Variants in GEM observed in about 807,000 individuals in gnomAD.
GEM encodes the protein GTP binding protein overexpressed in skeletal muscle.
A neutral mutation model predicts 33.0 loss-of-function variants in GEM; 31 were observed. That is an observed-to-expected ratio of 0.94 (90% confidence interval 0.71 to 1.27). The LOEUF is 1.27. Ranked by LOEUF, GEM falls within the 50% of genes most tolerant of loss-of-function variation. The probability of loss-of-function intolerance (pLI) is 0.00; values close to 1 mark genes in which losing one functional copy is unlikely to be tolerated. For missense variants in GEM, 354 were observed against 390.5 expected (o/e 0.91, Z 0.79); for synonymous variants, 141 against 143.7 (o/e 0.98, Z 0.13).
chr8:94,252,946 C>G, intron 3 of GEM, 90 bp downstream of exon 3: 1 of 727,508 alleles, frequency 1.4e-6, no homozygotes, highest in South Asian at 1.7e-5. Context: ...TCTGGAACAC[C>G]TACTATATAG....
At chr8:94,258,423 G>A (rs1292885158) in intron 2 of GEM, among the ~76,000 whole-genome samples, 1 of 152,104 alleles carries the variant, frequency 6.6e-6, no homozygotes, top group Non-Finnish European at 1.5e-5. Flanking sequence ...TAGGGGGCAT[G>A]GTATACCTCA....
rs1359018393 is a variant in GEM at position 94,250,267 on chromosome 8, T to G, written c.*43A>C. The G allele has an allele frequency of 6.5e-7, 1 of 1,531,364 alleles. No individual in the cohort carries two copies. The highest frequency in any genetic ancestry group is 8.9e-7 in the Non-Finnish European group (1 of 1,120,816). 94.9% of individuals were successfully genotyped at this position (1,531,364 alleles called of 1,614,324 possible). A position where few individuals can be genotyped will look rare whatever the true frequency, so the allele number is the denominator to read the frequency against. On this transcript the variant is annotated 3_prime_UTR_variant, in exon 5 of 5. Transcript: ENST00000297596. ...TATAGATTATTGGTCCCAATGGCCT[T>G]CAACAACGGCCATCAAAGGGACATC...
chr8:94,252,226 A>G lies in GEM; in HGVS notation c.409-3T>C. ...TCATGGAGCCATTCATTTTCCCCCT[A>G]ATGAAACAATAAGATCTTCTGTGAG... On this transcript the variant is annotated splice_polypyrimidine_tract_variant and splice_region_variant and intron_variant, in intron 3 of 4. Transcript: ENST00000297596. 1 of 1,594,320 alleles carries G rather than the reference A, an allele frequency of 6.3e-7. No homozygotes were observed. The highest frequency in any genetic ancestry group is 1.7e-4 in the Middle Eastern group (1 of 5,726).
intron 2 of GEM, among the ~76,000 whole-genome samples, chr8:94,258,442 C>G (rs1808943786): frequency 6.6e-6 from 1 of 151,938 alleles, no homozygotes; most frequent in Non-Finnish European, 1.5e-5. Flanking sequence ...CATCCATCGC[C>G]TTGTATCCCA....
intron 1 of GEM, among the ~76,000 whole-genome samples, chr8:94,261,825 A>C (rs1285371380): frequency 6.6e-6 from 1 of 152,190 alleles, no homozygotes; most frequent in Non-Finnish European, 1.5e-5. Context: ...AGCAAGATGC[A>C]CAAACACTCC....
intron 3 of GEM, 96 bp downstream of exon 3, chr8:94,252,940 G>A (rs1016752312): frequency 8.6e-6 from 6 of 693,766 alleles, no homozygotes; most frequent in Non-Finnish European, 1.5e-5. Context: ...ACCTCATCTG[G>A]AACACCTACT....
At chr8:94,252,605 A>G (rs546910153) in intron 3 of GEM, among the ~76,000 whole-genome samples, 27 of 152,290 alleles carry the variant, frequency 1.8e-4, no homozygotes, top group African/African-American at 6.0e-4. Flanking sequence ...GATTAAGAAC[A>G]CTTTTGTGGG....
At chr8:94,250,673 C>A in intron 4 of GEM, 86 bp from the exon 5 acceptor site, 2 of 1,118,608 alleles carry the variant, frequency 1.8e-6, no homozygotes, top group South Asian at 1.6e-5. Context: ...TTCGAGGTAA[C>A]ACTAAGTCAG....
chr8:94,259,569 G>C (rs1199287664), intron 2 of GEM, among the ~76,000 whole-genome samples: 1 of 152,140 alleles, frequency 6.6e-6, no homozygotes, highest in Non-Finnish European at 1.5e-5. Context: ...TTTGGAAATA[G>C]GCCAGGCTCC....
Position 94,250,405 on chromosome 8 carries a change from C to T in GEM, c.796G>A (p.Ala266Thr), listed in dbSNP as rs1304770745. Residue 266 changes from alanine (A) to threonine (T), a missense_variant, in exon 5 of 5, where the codon GCC becomes ACC. Physicochemically the swap from Ala to Thr is moderately conservative, Grantham distance 58. Transcript: ENST00000297596. The stretch of plus-strand genomic sequence containing the variant: ...ACGATCTTGCCCCAGAAGCGCCTGG[C>T]TTTCCTGGGCATGCTCTCCTTCCTT... ...QKRKESMPRKARRFWGKIVAK... is the reference protein window; with the variant it reads ...QKRKESMPRKTRRFWGKIVAK... 6.2e-7 allele frequency: 1 copy of T among 1,614,156 alleles called. No homozygotes were observed. The highest frequency in any genetic ancestry group is 1.1e-5 in the South Asian group (1 of 91,074).
At chr8:94,259,380 C>T (rs1318085080) in intron 2 of GEM, among the ~76,000 whole-genome samples, 3 of 152,148 alleles carry the variant, frequency 2.0e-5, no homozygotes, top group African/African-American at 2.4e-5. Flanking sequence ...TCTGTAGCTG[C>T]AAATAGGGAC....
chr8:94,260,369 G>T lies in GEM; in HGVS notation c.135C>A (p.Arg45=). The T allele has an allele frequency of 6.2e-7, 1 of 1,614,150 alleles. No homozygotes were observed. Among genetic ancestry groups the T allele is most frequent in the South Asian group, 1.1e-5 (1 of 91,084 alleles). The part of the protein sequence containing the change: ...KEPHQYSHRN[R]HSATPEDHCR... Reference sequence around the variant, plus strand: ...AGTGGTCCTCAGGGGTAGCAGAATGGCGGTTGCGGTGGCTGTACTGGTGGG... The same window carrying T: ...AGTGGTCCTCAGGGGTAGCAGAATGTCGGTTGCGGTGGCTGTACTGGTGGG... The change falls in exon 2 of 5, where the codon CGC becomes CGA. Residue 45 remains arginine (R), a synonymous_variant. Coordinates refer to ENST00000297596, the MANE Select transcript of GEM (RefSeq NM_005261.4).
Position 94,252,148 on chromosome 8 carries a change from G to A in GEM, c.484C>T (p.Arg162Ter), listed in dbSNP as rs976230477. The A allele has an allele frequency of 5.0e-6, 8 of 1,613,176 alleles. No individual in the cohort carries two copies. In the African/African-American group the frequency reaches 5.3e-5, roughly 11 times the overall value. The change falls in exon 4 of 5, where the codon CGA becomes TGA. Residue 162 changes from arginine (R) to a stop codon, truncating the protein, a stop_gained. Coordinates refer to ENST00000297596, the MANE Select transcript of GEM (RefSeq NM_005261.4). LOFTEE classifies it high-confidence loss of function. ...AYLIVYSITD[R>*]ASFEKASELR... ...TCAGATGCCTTCTCGAAGCTCGCTC[G>A]GTCTGTGATTGAGTAGACAATCAGG...
chr8:94,260,603 T>G (rs979749167), intron 1 of GEM, 91 bp from the exon 2 acceptor site: 13 of 705,746 alleles, frequency 1.8e-5, no homozygotes, highest in Middle Eastern at 3.2e-4. Flanking sequence ...AATATTTTAT[T>G]AGATGAGATG....
intron 2 of GEM, among the ~76,000 whole-genome samples, chr8:94,256,775 C>T (rs767928158): frequency 6.6e-6 from 1 of 152,214 alleles, no homozygotes; most frequent in Admixed American, 6.5e-5. Flanking sequence ...GAAAGATAAG[C>T]ACATCAAAAG....
At chr8:94,259,267 G>C (rs1198080447) in intron 2 of GEM, among the ~76,000 whole-genome samples, 1 of 152,202 alleles carries the variant, frequency 6.6e-6, no homozygotes, top group African/African-American at 2.4e-5. Flanking sequence ...GGGGAGAACT[G>C]AGTCATCGCT....
chr8:94,261,185 G>C (rs758010744), intron 1 of GEM, among the ~76,000 whole-genome samples: 2 of 152,130 alleles, frequency 1.3e-5, no homozygotes, highest in African/African-American at 4.8e-5. Context: ...TTATGCCTCA[G>C]CTGTGCCCTC....
Position 94,250,096 on chromosome 8 carries a change from T to C in GEM, c.*214A>G, listed in dbSNP as rs1808726349. On this transcript the variant is annotated 3_prime_UTR_variant, in exon 5 of 5. Coordinates refer to ENST00000297596, the MANE Select transcript of GEM (RefSeq NM_005261.4). ...CTCTAAAGAGTCTTGGGTGTTCAAATAGCAAGGTCAGGCTTTTCCTGGAAA... is the reference window on the plus strand; with the variant it reads ...CTCTAAAGAGTCTTGGGTGTTCAAACAGCAAGGTCAGGCTTTTCCTGGAAA... 1.8e-5 allele frequency: 10 copies of C among 564,910 alleles called. No homozygotes were observed. Among genetic ancestry groups the C allele is most frequent in the Non-Finnish European group, 2.8e-5 (9 of 321,420 alleles). The allele number at this position is 564,910 out of a possible 1,614,324, so 35.0% of individuals were successfully genotyped here.
At chr8:94,261,349 C>T (rs1219780024) in intron 1 of GEM, among the ~76,000 whole-genome samples, 1 of 152,084 alleles carries the variant, frequency 6.6e-6, no homozygotes, top group Non-Finnish European at 1.5e-5. Flanking sequence ...TTTAATTCAA[C>T]TCAGATTCCT....
Sources: allele counts gnomAD v4.1 joint callset (sites outside exome capture counted in the v4.1 genomes callset), GRCh38; gene constraint gnomAD v4.1.1; transcripts MANE v1.5; gene names NCBI Gene and HGNC (gene_info 2026-07-23, HGNC 2026-07-21).